The following ADARB2 variants were observed in gnomAD, a reference collection of about 807,000 sequenced individuals.
ADARB2 encodes inactive double-stranded RNA-specific editase B2.
Under a neutral mutation model 62.2 loss-of-function variants are expected in ADARB2, and 25 were observed. That is an observed-to-expected ratio of 0.40 (90% CI 0.29 to 0.56). The LOEUF (loss-of-function observed/expected upper bound fraction) is 0.56, where lower values mean the gene tolerates loss of function less well. Ranked by LOEUF, ADARB2 falls within the 20% of genes least tolerant of loss-of-function variation. The probability of loss-of-function intolerance (pLI) is 0.43; values close to 1 mark genes in which losing one functional copy is unlikely to be tolerated. For missense variants in ADARB2, 1,071 were observed against 1,077.4 expected (o/e 0.99, Z 0.08); for synonymous variants, 572 against 500.8 (o/e 1.14, Z -1.90).
intron 1 of ADARB2, among the ~76,000 whole-genome samples, chr10:1,594,057 C>A (rs200360397): frequency 6.6e-6 from 1 of 151,992 alleles, no homozygotes; most frequent in African/African-American, 2.4e-5. Flanking sequence ...TTTGGGAGGC[C>A]GAGGCTGGTA....
At chr10:1,414,209 A>T (rs964698180) in intron 1 of ADARB2, among the ~76,000 whole-genome samples, 1 of 152,204 alleles carries the variant, frequency 6.6e-6, no homozygotes, top group African/African-American at 2.4e-5. Context: ...GTAAGCACTT[A>T]GCTGATGGGC....
intron 7 of ADARB2, chr10:1,216,727 C>G (rs1029950445): frequency 8.2e-6 from 5 of 613,010 alleles, no homozygotes; most frequent in African/African-American, 1.9e-5. Context: ...GCGGCAGCCT[C>G]GGGTGGCAGG....
At chr10:1,352,655 T>C (rs1333637703) in intron 3 of ADARB2, among the ~76,000 whole-genome samples, 1 of 152,244 alleles carries the variant, frequency 6.6e-6, no homozygotes, top group East Asian at 1.9e-4. Context: ...ACTCATTCTC[T>C]GCAGTTCTCA....
intron 1 of ADARB2, among the ~76,000 whole-genome samples, chr10:1,584,523 C>A (rs539789429): frequency 6.6e-6 from 1 of 152,190 alleles, no homozygotes; most frequent in African/African-American, 2.4e-5. Context: ...CTGTGGATGA[C>A]AGTTCCATGG....
chr10:1,433,678 T>C (rs921626702), intron 1 of ADARB2, among the ~76,000 whole-genome samples: 13 of 151,982 alleles, frequency 8.6e-5, no homozygotes, highest in Admixed American at 5.2e-4. Flanking sequence ...CAACCCTGAG[T>C]TGGGATGAGG....
At chr10:1,365,212 A>G (rs1029856741) in intron 2 of ADARB2, among the ~76,000 whole-genome samples, 1 of 152,006 alleles carries the variant, frequency 6.6e-6, no homozygotes, top group Non-Finnish European at 1.5e-5. Flanking sequence ...CTTTCCCATT[A>G]TTATATCTGT....
intron 4 of ADARB2, among the ~76,000 whole-genome samples, chr10:1,264,836 AAGTC>A (rs919212608): frequency 6.6e-6 from 1 of 152,208 alleles, no homozygotes; most frequent in Non-Finnish European, 1.5e-5. Flanking sequence ...GGGCAGTTGT[AAGTC>A]AGTCCAAGAA....
intron 1 of ADARB2, among the ~76,000 whole-genome samples, chr10:1,432,384 G>C (rs966570878): frequency 6.6e-6 from 1 of 151,916 alleles, no homozygotes; most frequent in Non-Finnish European, 1.5e-5. Context: ...CTGGCTAGAG[G>C]AAAAAGTAAA....
intron 1 of ADARB2, among the ~76,000 whole-genome samples, chr10:1,393,167 C>A (rs1266067831): frequency 6.6e-6 from 1 of 152,148 alleles, no homozygotes; most frequent in African/African-American, 2.4e-5. Flanking sequence ...GTCCATTTTT[C>A]ATGGTTTAAT....
chr10:1,703,819 T>C (rs187063873), intron 1 of ADARB2, among the ~76,000 whole-genome samples: 1 of 152,314 alleles, frequency 6.6e-6, no homozygotes, highest in Non-Finnish European at 1.5e-5. Flanking sequence ...CACCAAATCT[T>C]TTGACCACTG....
At chr10:1,457,177 A>G (rs1831105426) in intron 1 of ADARB2, among the ~76,000 whole-genome samples, 1 of 152,242 alleles carries the variant, frequency 6.6e-6, no homozygotes, top group Admixed American at 6.5e-5. Flanking sequence ...CTACAAAGGA[A>G]ATCTTCAGAG....
chr10:1,667,758 G>A (rs1432579360), intron 1 of ADARB2, among the ~76,000 whole-genome samples: 2 of 152,122 alleles, frequency 1.3e-5, no homozygotes, highest in African/African-American at 2.4e-5. Context: ...GGTATTTTGG[G>A]TTACTCATAG....
intron 1 of ADARB2, among the ~76,000 whole-genome samples, chr10:1,555,405 A>G (rs1387505095): frequency 6.6e-6 from 1 of 152,176 alleles, no homozygotes; most frequent in African/African-American, 2.4e-5. Context: ...ATAATTGAAA[A>G]GGCATATATC....
intron 1 of ADARB2, among the ~76,000 whole-genome samples, chr10:1,606,504 G>A (rs1230905028): frequency 4.6e-5 from 7 of 152,144 alleles, no homozygotes. Context: ...AGGCTGATTG[G>A]CAAAACATGC....
chr10:1,344,144 C>T (rs1832057136), intron 3 of ADARB2, among the ~76,000 whole-genome samples: 1 of 152,194 alleles, frequency 6.6e-6, no homozygotes, highest in Non-Finnish European at 1.5e-5. Flanking sequence ...ACCTGCCTCA[C>T]AGGATTTGGG....
intron 1 of ADARB2, among the ~76,000 whole-genome samples, chr10:1,656,686 G>A (rs1834176245): frequency 1.3e-5 from 2 of 152,212 alleles, no homozygotes; most frequent in African/African-American, 2.4e-5. Flanking sequence ...GCGTCTTCAT[G>A]TGGGATGTGC....
chr10:1,364,808 C>G (rs1339146526), intron 2 of ADARB2, among the ~76,000 whole-genome samples: 1 of 151,944 alleles, frequency 6.6e-6, no homozygotes, highest in Non-Finnish European at 1.5e-5. Context: ...AGTTGAGCAA[C>G]TCTATCAGCC....
intron 1 of ADARB2, among the ~76,000 whole-genome samples, chr10:1,625,103 A>G (rs1833750181): frequency 1.3e-5 from 2 of 152,176 alleles, no homozygotes; most frequent in Non-Finnish European, 2.9e-5. Context: ...AATTGGCCAA[A>G]CACCTCCACA....
chr10:1,691,395 TG>T (rs1204776404), intron 1 of ADARB2, among the ~76,000 whole-genome samples: 1 of 152,108 alleles, frequency 6.6e-6, no homozygotes, highest in Non-Finnish European at 1.5e-5. Context: ...CCCCAGAAAA[TG>T]AATACAATGG....
Sources: gnomAD v4.1 joint callset for allele counts (sites outside exome capture counted in the v4.1 genomes callset) on GRCh38, gnomAD v4.1.1 for gene constraint, MANE v1.5 for transcripts, NCBI Gene and HGNC (gene_info 2026-07-23, HGNC 2026-07-21) for gene names.